Variants in C5orf47 observed in about 807,000 individuals in gnomAD.
C5orf47 encodes the protein uncharacterized protein C5orf47.
Under a neutral mutation model 20.6 loss-of-function variants are expected in C5orf47, and 20 were observed. The ratio of observed to expected loss-of-function variants is 0.97; its 90% CI spans 0.68 to 1.41. The LOEUF (loss-of-function observed/expected upper bound fraction) is 1.41. Among genes scored for constraint, C5orf47 ranks in the 40% most tolerant of loss-of-function variants. The probability of loss-of-function intolerance (pLI) is 0.00; values close to 1 mark genes in which losing one functional copy is unlikely to be tolerated. For synonymous variants in C5orf47, 106 were observed against 97.3 expected (o/e 1.09, Z -0.53); for missense variants, 262 against 238.4 (o/e 1.10, Z -0.65).
intron 1 of C5orf47, among the ~76,000 whole-genome samples, chr5:173,994,211 G>A (rs1759049325): frequency 6.6e-6 from 1 of 152,206 alleles, no homozygotes; most frequent in South Asian, 2.1e-4. Flanking sequence ...GTTGACCAAT[G>A]CTGGCTGCAG....
Position 173,989,216 on chromosome 5 carries a change from G to C in C5orf47, c.-48G>C. The C allele has an allele frequency of 7.3e-7, 1 of 1,361,292 alleles. No individual in the cohort carries two copies. The highest frequency in any genetic ancestry group is 9.4e-7 in the Non-Finnish European group (1 of 1,058,292). The allele number at this position is 1,361,292 out of a possible 1,614,324, so 84.3% of individuals were successfully genotyped here. A position where few individuals can be genotyped will look rare whatever the true frequency, so the allele number is the denominator to read the frequency against. On this transcript the variant is annotated 5_prime_UTR_variant, in exon 1 of 5. Transcript: ENST00000340147. The stretch of plus-strand genomic sequence containing the variant: ...CTGCACAGTGGGCAGTCTGGCGCCT[G>C]TGGCGTCGTGTTTGCTGAGGGCCCG...
intron 4 of C5orf47, among the ~76,000 whole-genome samples, chr5:174,003,543 A>C (rs1026980898): frequency 6.6e-6 from 1 of 152,190 alleles, no homozygotes; most frequent in African/African-American, 2.4e-5. Flanking sequence ...AAGTTATTGG[A>C]AGTGTTGTAC....
intron 1 of C5orf47, 59 bp downstream of exon 1, chr5:173,989,647 C>T (rs979448218): frequency 7.7e-7 from 1 of 1,305,366 alleles, no homozygotes; most frequent in Non-Finnish European, 9.8e-7. Context: ...GCGGAGCGGG[C>T]TCAGCTGCTG....
chr5:173,994,049 T>G (rs2113361581), intron 1 of C5orf47, among the ~76,000 whole-genome samples: 1 of 152,328 alleles, frequency 6.6e-6, no homozygotes, highest in South Asian at 2.1e-4. Flanking sequence ...CAAAAAGTTG[T>G]CCAGATACCT....
intron 1 of C5orf47, among the ~76,000 whole-genome samples, chr5:173,993,575 C>T (rs979576755): frequency 6.6e-6 from 1 of 152,058 alleles, no homozygotes; most frequent in Non-Finnish European, 1.5e-5. Context: ...ACCCAGGAGG[C>T]GGAGGTTGCA....
intron 1 of C5orf47, among the ~76,000 whole-genome samples, chr5:173,990,249 A>G (rs533629937): frequency 7.5e-6 from 1 of 133,848 alleles, no homozygotes; most frequent in Non-Finnish European, 1.5e-5. Flanking sequence ...AGTAGCTGGG[A>G]CCACAGGTGG....
intron 1 of C5orf47, among the ~76,000 whole-genome samples, chr5:173,991,418 C>T (rs1042369291): frequency 1.3e-5 from 2 of 151,934 alleles, no homozygotes; most frequent in African/African-American, 4.8e-5. Context: ...ATAGTGTTTC[C>T]CCATTAAATC....
chr5:174,007,114 G>A (rs1759304532), downstream of C5orf47, among the ~76,000 whole-genome samples: 1 of 152,120 alleles, frequency 6.6e-6, no homozygotes, highest in Non-Finnish European at 1.5e-5. Context: ...GGCCCTGGGT[G>A]TATAATTGGA....
In C5orf47 at chr5:173,999,700, GT is replaced by G; in HGVS notation, c.416del (p.Leu139Ter). Reference protein sequence around the residue: ...ASKIMKKKKKVLVWNRVYKVI... With the variant: ...ASKIMKKKKKXLVWNRVYKVI... ...CCTTTACTGTGCTTATCTTTTTAAG[GT>G]TTTAGTATGGAATAGAGTATACAAA... On this transcript the variant is annotated frameshift_variant and splice_region_variant, in exon 3 of 5. Transcript: ENST00000340147. LOFTEE classifies it high-confidence loss of function. The G allele has an allele frequency of 7.1e-7, 1 of 1,399,008 alleles. No individual in the cohort carries two copies. Among genetic ancestry groups the G allele is most frequent in the Non-Finnish European group, 9.7e-7 (1 of 1,026,144 alleles). 86.7% of individuals were successfully genotyped at this position (1,399,008 alleles called of 1,614,324 possible).
intron 1 of C5orf47, among the ~76,000 whole-genome samples, chr5:173,994,518 A>G (rs1244282745): frequency 6.6e-6 from 1 of 152,218 alleles, no homozygotes; most frequent in Non-Finnish European, 1.5e-5. Flanking sequence ...AGACAGTTAC[A>G]GTAGTCCAGT....
chr5:173,996,604 A>C (rs1759103851), intron 1 of C5orf47, among the ~76,000 whole-genome samples: 1 of 152,250 alleles, frequency 6.6e-6, no homozygotes, highest in Non-Finnish European at 1.5e-5. Context: ...CCATATCTGC[A>C]TATCATCTGT....
At chr5:173,993,778 C>G (rs1394630444) in intron 1 of C5orf47, among the ~76,000 whole-genome samples, 3 of 152,116 alleles carry the variant, frequency 2.0e-5, no homozygotes, top group African/African-American at 7.2e-5. Context: ...GTTTACTATT[C>G]TTTCAAAACC....
chr5:173,989,849 C>T (rs1758955448), intron 1 of C5orf47, among the ~76,000 whole-genome samples: 1 of 152,202 alleles, frequency 6.6e-6, no homozygotes, highest in Non-Finnish European at 1.5e-5. Flanking sequence ...GGCTTTTGGC[C>T]TGCGTGTTTC....
downstream of C5orf47, among the ~76,000 whole-genome samples, chr5:174,008,837 AAAAAG>A (rs1398252307): frequency 1.3e-5 from 2 of 151,418 alleles, no homozygotes; most frequent in African/African-American, 2.4e-5. Flanking sequence ...AAAAAAAAAA[AAAAAG>A]AAAGAAAAAC....
Position 174,004,887 on chromosome 5 carries a change from AT to A in C5orf47, c.*638del, listed in dbSNP as rs1307682033. 6.6e-6 allele frequency: 1 copy of A among 152,058 alleles called. No homozygotes were observed. The allele number at this position is 152,058 out of a possible 1,614,324, so 9.4% of individuals were successfully genotyped here. A position where few individuals can be genotyped will look rare whatever the true frequency, so the allele number is the denominator to read the frequency against. ...TTATAATATGGAGTATTTTAGGAAA[AT>A]TTTTGGGCAAAGATCAGAGGAGATG... is the stretch of plus-strand genomic sequence containing the variant. On this transcript the variant is annotated 3_prime_UTR_variant, in exon 5 of 5. Transcript: ENST00000340147.
chr5:173,989,311 C>T lies in C5orf47; in HGVS notation c.48C>T (p.Val16=). ...RGREQDSARF[V]YVTRFGSHQC... ...GGGAGCAGGACTCGGCGCGCTTCGT[C>T]TATGTGACGCGCTTCGGCTCGCATC... The change falls in exon 1 of 5, where the codon GTC becomes GTT. Residue 16 remains valine (V), a synonymous_variant. Coordinates refer to ENST00000340147, the MANE Select transcript of C5orf47 (RefSeq NM_001144954.2). 8 of 1,408,506 alleles carry T rather than the reference C, an allele frequency of 5.7e-6. No individual in the cohort carries two copies. The highest frequency in any genetic ancestry group is 7.4e-6 in the Non-Finnish European group (8 of 1,075,470). 87.3% of individuals were successfully genotyped at this position (1,408,506 alleles called of 1,614,324 possible).
chr5:173,994,671 T>C (rs1759057094), intron 1 of C5orf47, among the ~76,000 whole-genome samples: 1 of 152,190 alleles, frequency 6.6e-6, no homozygotes, highest in Non-Finnish European at 1.5e-5. Flanking sequence ...ATGGAGCCAC[T>C]AACGTTAGTG....
intron 2 of C5orf47, among the ~76,000 whole-genome samples, chr5:173,999,289 C>G (rs766991321): frequency 2.6e-5 from 4 of 152,066 alleles, no homozygotes; most frequent in Non-Finnish European, 5.9e-5. Context: ...AGGAGAAATA[C>G]TTAATTCTTA....
At chr5:174,002,994 G>A (rs1418421145) in intron 4 of C5orf47, among the ~76,000 whole-genome samples, 3 of 152,096 alleles carry the variant, frequency 2.0e-5, no homozygotes, top group Admixed American at 6.5e-5. Flanking sequence ...TGGCTGGAAC[G>A]TTGTATACGT....
Sources: allele counts gnomAD v4.1 joint callset (sites outside exome capture counted in the v4.1 genomes callset), GRCh38; gene constraint gnomAD v4.1.1; transcripts MANE v1.5; gene names NCBI Gene and HGNC (gene_info 2026-07-23, HGNC 2026-07-21).